Variants in CDH18 observed in about 807,000 individuals in gnomAD.
The protein encoded by CDH18 is cadherin-18.
CDH18 carries 31 observed loss-of-function variants against 67.9 expected under a neutral mutation model. That is an observed-to-expected ratio of 0.46 (90% CI 0.34 to 0.62). CDH18 has a LOEUF of 0.62. CDH18 is among the 20% of genes least tolerant of loss of function. The pLI is 0.01. For synonymous variants in CDH18, 362 were observed against 347.2 expected (o/e 1.04, Z -0.48); for missense variants, 890 against 975.5 (o/e 0.91, Z 1.17).
At chr5:20,488,377 G>C (rs1282785427) in intron 1 of CDH18, among the ~76,000 whole-genome samples, 1 of 152,028 alleles carries the variant, frequency 6.6e-6, no homozygotes, top group Non-Finnish European at 1.5e-5. Flanking sequence ...GACAAGGTGA[G>C]TCAGTCTTTC....
chr5:20,424,206 G>C (rs1172426902), intron 1 of CDH18, among the ~76,000 whole-genome samples: 1 of 150,594 alleles, frequency 6.6e-6, no homozygotes, highest in Non-Finnish European at 1.5e-5. Flanking sequence ...AGTATCCTCT[G>C]CTAAGACAAA....
chr5:19,777,805 T>G (rs1305239428), intron 3 of CDH18, among the ~76,000 whole-genome samples: 1 of 152,138 alleles, frequency 6.6e-6, no homozygotes, highest in East Asian at 1.9e-4. Flanking sequence ...GAAGATTATT[T>G]GAGAAAATAA....
chr5:20,394,409 C>T (rs1745119308), intron 1 of CDH18, among the ~76,000 whole-genome samples: 1 of 152,090 alleles, frequency 6.6e-6, no homozygotes, highest in South Asian at 2.1e-4. Context: ...GGAGTTCTAT[C>T]TCTTACCATA....
chr5:20,483,263 T>C (rs947827914), intron 1 of CDH18, among the ~76,000 whole-genome samples: 1 of 151,978 alleles, frequency 6.6e-6, no homozygotes, highest in Non-Finnish European at 1.5e-5. Flanking sequence ...TGCCAGAAAT[T>C]GAAGAGGACA....
intron 1 of CDH18, among the ~76,000 whole-genome samples, chr5:20,256,820 C>G (rs956021764): frequency 8.6e-5 from 13 of 151,748 alleles, no homozygotes; most frequent in African/African-American, 2.9e-4. Flanking sequence ...AGGACTGAGT[C>G]CTTTAAAGTC....
intron 2 of CDH18, among the ~76,000 whole-genome samples, chr5:20,172,184 T>TTGTGTG (rs199661795): frequency 2.2e-3 from 57 of 25,818 alleles, no homozygotes; most frequent in African/African-American, 6.8e-3. Context: ...ATCAATAGCA[T>TTGTGTG]TGTGTGTATA....
chr5:20,359,982 C>G (rs758279796), intron 1 of CDH18, among the ~76,000 whole-genome samples: 2 of 150,260 alleles, frequency 1.3e-5, no homozygotes, highest in Non-Finnish European at 3.0e-5. Flanking sequence ...CATTATGCCA[C>G]TTTATCAGTA....
intron 1 of CDH18, among the ~76,000 whole-genome samples, chr5:20,451,653 A>T (rs117829956): frequency 6.6e-6 from 1 of 152,304 alleles, no homozygotes; most frequent in East Asian, 1.9e-4. Flanking sequence ...TATAAAAGGC[A>T]TGCTATAGTA....
intron 6 of CDH18, among the ~76,000 whole-genome samples, chr5:19,607,060 C>A (rs987970775): frequency 1.3e-5 from 2 of 151,558 alleles, no homozygotes; most frequent in Non-Finnish European, 3.0e-5. Flanking sequence ...AACTAAAATT[C>A]TATTCTGATT....
intron 2 of CDH18, among the ~76,000 whole-genome samples, chr5:20,070,510 G>A (rs1743391860): frequency 6.6e-6 from 1 of 152,092 alleles, no homozygotes; most frequent in South Asian, 2.1e-4. Flanking sequence ...CTTAACCAGA[G>A]CGGTATTAGG....
chr5:19,755,763 G>A (rs185966628), intron 3 of CDH18, among the ~76,000 whole-genome samples: 1 of 151,638 alleles, frequency 6.6e-6, no homozygotes, highest in Non-Finnish European at 1.5e-5. Context: ...CAATGTTTGA[G>A]GGCAGGAAGC....
intron 1 of CDH18, among the ~76,000 whole-genome samples, chr5:20,520,639 T>G (rs773636880): frequency 6.6e-6 from 1 of 152,160 alleles, no homozygotes; most frequent in South Asian, 2.1e-4. Flanking sequence ...TTAAGAATTA[T>G]TCCCAGATTT....
chr5:20,019,381 T>C (rs1738192508), intron 2 of CDH18, among the ~76,000 whole-genome samples: 1 of 152,150 alleles, frequency 6.6e-6, no homozygotes, highest in Non-Finnish European at 1.5e-5. Context: ...AGCATATTGA[T>C]ATGGTTTGGA....
chr5:19,639,120 A>G (rs1753671468), intron 5 of CDH18, among the ~76,000 whole-genome samples: 1 of 151,538 alleles, frequency 6.6e-6, no homozygotes, highest in African/African-American at 2.4e-5. Context: ...CTCCTGGCTC[A>G]GCTTCCCTAG....
chr5:19,512,827 A>G (rs1269330916), intron 10 of CDH18, among the ~76,000 whole-genome samples: 2 of 152,062 alleles, frequency 1.3e-5, no homozygotes, highest in African/African-American at 4.8e-5. Flanking sequence ...TAATTATGAC[A>G]TTTATTATAT....
chr5:20,178,572 G>GTTTC lies in CDH18; in HGVS notation c.-518+76868_-518+76871dup, dbSNP rs200387560. ...TTCTTCAATAATTAGTGTAAATAGA[G>GTTTC]TTTCTTTCTTTCTTTCTTTCTTTTT... On this transcript the variant is annotated intron_variant, in intron 2 of 14. Coordinates refer to the CDH18 transcript ENST00000507958. 6.5e-3 allele frequency among the ~76,000 whole-genome samples: 974 copies of GTTTC among 149,778 alleles called. 10 individuals carry two copies. Among genetic ancestry groups the GTTTC allele is most frequent in the Middle Eastern group, 0.049 (14 of 288 alleles).
intron 1 of CDH18, among the ~76,000 whole-genome samples, chr5:20,381,179 C>A (rs924761509): frequency 7.2e-5 from 11 of 152,056 alleles, no homozygotes; most frequent in African/African-American, 2.7e-4. Context: ...AGAAAAAATA[C>A]CCGTCAGTAT....
chr5:19,658,111 A>G (rs1756643390), intron 5 of CDH18, among the ~76,000 whole-genome samples: 1 of 127,336 alleles, frequency 7.9e-6, no homozygotes, highest in Admixed American at 8.9e-5. Context: ...AATCTCATAT[A>G]TCAAAGTTAT....
rs550985799 is a variant in CDH18, at chr5:19,717,350, A to C, written c.643+3997T>G. On this transcript the variant is annotated intron_variant, in intron 5 of 12. Transcript: ENST00000382275. The stretch of plus-strand genomic sequence containing the variant: ...TCAAATGGCCATGAAAGTAATGAGC[A>C]TTAAGAGATTTTCATGTCCAGTTAA... Among the ~76,000 whole-genome samples the C allele has an allele frequency of 1.1e-4, 17 of 152,210 alleles. No individual in the cohort carries two copies. In the East Asian group the frequency reaches 3.3e-3, roughly 29 times the overall value.
Sources: gnomAD v4.1 joint callset for allele counts (sites outside exome capture counted in the v4.1 genomes callset) on GRCh38, gnomAD v4.1.1 for gene constraint, MANE v1.5 for transcripts, NCBI Gene and HGNC (gene_info 2026-07-23, HGNC 2026-07-21) for gene names.